Variants in KIN observed in about 807,000 individuals in gnomAD.
KIN encodes DNA/RNA-binding protein KIN17.
A neutral mutation model predicts 63.0 loss-of-function variants in KIN; 47 were observed. The ratio of observed to expected loss-of-function variants is 0.75; its 90% CI spans 0.59 to 0.95. The LOEUF (loss-of-function observed/expected upper bound fraction) is 0.95, where lower values mean the gene tolerates loss of function less well. KIN is among the 40% of genes least tolerant of loss of function. The probability of loss-of-function intolerance (pLI) is 0.00; values close to 1 mark genes in which losing one functional copy is unlikely to be tolerated. For missense variants in KIN, 408 were observed against 460.9 expected, an observed-to-expected ratio of 0.89 and a Z score of 1.05; for synonymous variants, 160 against 157.7, an observed-to-expected ratio of 1.01 and a Z score of -0.11.
Position 7,771,904 on chromosome 10 carries a change from A to T in KIN, c.669-2559T>A, listed in dbSNP as rs1835673821. Reference sequence around the variant, plus strand: ...GAGCGAAATTCCGTCTCAAAAAAAAAAAAAAAAGAAAGAAAGAAAAAGAAA... The same window carrying T: ...GAGCGAAATTCCGTCTCAAAAAAAATAAAAAAAGAAAGAAAGAAAAAGAAA... On this transcript the variant is annotated intron_variant, in intron 7 of 12. Transcript: ENST00000379562. 2.0e-5 allele frequency among the ~76,000 whole-genome samples: 3 copies of T among 151,836 alleles called. No individual in the cohort carries two copies. The East Asian group carries it at 5.8e-4, about 29-fold the overall frequency.
At chr10:7,760,693 TTA>T (rs2130988050) in intron 11 of KIN, among the ~76,000 whole-genome samples, 1 of 152,338 alleles carries the variant, frequency 6.6e-6, no homozygotes, top group Non-Finnish European at 1.5e-5. Context: ...TATTTTATTA[TTA>T]GTTATTATTC....
At chr10:7,773,720 G>A (rs554769881) in intron 7 of KIN, among the ~76,000 whole-genome samples, 41 of 151,958 alleles carry the variant, frequency 2.7e-4, no homozygotes, top group Non-Finnish European at 4.3e-4. Context: ...AAACAAACCC[G>A]AAAAACTTAG....
At chr10:7,764,534 G>A (rs963739590) in intron 9 of KIN, among the ~76,000 whole-genome samples, 3 of 152,136 alleles carry the variant, frequency 2.0e-5, no homozygotes, top group African/African-American at 7.2e-5. Context: ...TCAAAGAGAT[G>A]GTCAAGTATT....
rs146773165 is a variant in KIN, at chr10:7,752,321, G to T, written c.*3759C>A. 5.2e-4 allele frequency: 79 copies of T among 152,286 alleles called. No individual in the cohort carries two copies. The highest frequency in any genetic ancestry group is 1.8e-3 in the African/African-American group (75 of 41,546). 9.4% of individuals were successfully genotyped at this position (152,286 alleles called of 1,614,324 possible). A position where few individuals can be genotyped will look rare whatever the true frequency, so the allele number is the denominator to read the frequency against. On this transcript the variant is annotated 3_prime_UTR_variant, in exon 13 of 13. Transcript: ENST00000379562. ...CAGGTGGCAAATAAGCCCATGAAAA[G>T]ATGCTCCACATCATACTTCATCAAA... is the stretch of plus-strand genomic sequence containing the variant.
intron 7 of KIN, among the ~76,000 whole-genome samples, chr10:7,772,568 T>C (rs558161491): frequency 2.0e-5 from 3 of 152,338 alleles, no homozygotes; most frequent in African/African-American, 7.2e-5. Flanking sequence ...TTAGTTTTTC[T>C]AGGTTTTAGA....
Position 7,774,906 on chromosome 10 carries a change from T to C in KIN, c.608-15A>G. ...ATTAAACGTGACTAGAAGAAAAAAA[T>C]GTTATTCCATACATACATTTCAAGA... On this transcript the variant is annotated splice_polypyrimidine_tract_variant and intron_variant, in intron 6 of 12. Coordinates refer to ENST00000379562, the MANE Select transcript of KIN (RefSeq NM_012311.4). 1 of 1,584,116 alleles carries C rather than the reference T, an allele frequency of 6.3e-7. No homozygotes were observed. The highest frequency in any genetic ancestry group is 8.7e-7 in the Non-Finnish European group (1 of 1,153,748).
rs1395195056 is a variant in KIN, at chr10:7,763,724, T to A, written c.917A>T (p.Lys306Met). Residue 306 changes from lysine to methionine, a missense_variant and splice_region_variant, in exon 10 of 13, where the codon AAG (lysine) becomes ATG (methionine). By Grantham distance (95) the Lys-to-Met change is moderately conservative (BLOSUM62 -1). Around this residue, in one of 2 missense-constraint regions of KIN, gnomAD observed 298 missense variants for 296.0 expected, o/e 1.01. Transcript: ENST00000379562. Reference sequence around the variant, plus strand: ...CCATTCATAATTGCACGTCCTTACCTTAACAATAGCCTTTTTCTTATGATA... The same window carrying A: ...CCATTCATAATTGCACGTCCTTACCATAACAATAGCCTTTTTCTTATGATA... ...EKYHKKKAIV[K>M]EVIDKYTAVV... is the part of the protein sequence containing the mutation. 6.8e-7 allele frequency: 1 copy of A among 1,471,610 alleles called. No homozygotes were observed. The highest frequency in any genetic ancestry group is 1.4e-5 in the African/African-American group (1 of 70,974). 91.2% of individuals were successfully genotyped at this position (1,471,610 alleles called of 1,614,324 possible).
Position 7,752,353 on chromosome 10 carries a change from C to A in KIN, c.*3727G>T, listed in dbSNP as rs1835257490. 1.3e-5 allele frequency: 2 copies of A among 152,162 alleles called. No individual in the cohort carries two copies. The highest frequency in any genetic ancestry group is 4.8e-5 in the African/African-American group (2 of 41,416). The allele number at this position is 152,162 out of a possible 1,614,324, so 9.4% of individuals were successfully genotyped here. ...CACATCATACTTCATCAAAGAAATG[C>A]AAATTAAAGCAATGACAAGATCCCA... On this transcript the variant is annotated 3_prime_UTR_variant, in exon 13 of 13. Coordinates refer to ENST00000379562, the MANE Select transcript of KIN (RefSeq NM_012311.4).
chr10:7,765,935 AACTC>A (rs1484133002), intron 9 of KIN, 114 bp downstream of exon 9: 1 of 610,148 alleles, frequency 1.6e-6, no homozygotes, highest in African/African-American at 1.9e-5. Flanking sequence ...AGTTATAACT[AACTC>A]TATCTATATA....
chr10:7,762,653 A>G, intron 10 of KIN, 97 bp from the exon 11 acceptor site: 1 of 608,680 alleles, frequency 1.6e-6, no homozygotes, highest in Non-Finnish European at 2.8e-6. Flanking sequence ...TAAAATATCA[A>G]TCAAAAGAAA....
intron 7 of KIN, among the ~76,000 whole-genome samples, chr10:7,772,366 A>G (rs12264990): frequency 0.049 from 7,428 of 152,264 alleles, 608 homozygotes; most frequent in African/African-American, 0.17. Flanking sequence ...ATGAAAATGG[A>G]AAGTAAGGTT....
At chr10:7,777,904 CA>C (rs148544006) in intron 5 of KIN, among the ~76,000 whole-genome samples, 6 of 148,310 alleles carry the variant, frequency 4.0e-5, no homozygotes, top group African/African-American at 1.5e-4. Flanking sequence ...GTCCCCCCCC[CA>C]AAAAAAAAAA....
In KIN at chr10:7,752,108, AAAG is replaced by A. The variant is rs1404068603; in HGVS notation, c.*3969_*3971del. The A allele has an allele frequency of 6.6e-6, 1 of 152,210 alleles. No individual in the cohort carries two copies. Among genetic ancestry groups the A allele is most frequent in the African/African-American group, 2.4e-5 (1 of 41,462 alleles). 9.4% of individuals were successfully genotyped at this position (152,210 alleles called of 1,614,324 possible). A position where few individuals can be genotyped will look rare whatever the true frequency, so the allele number is the denominator to read the frequency against. On this transcript the variant is annotated 3_prime_UTR_variant, in exon 13 of 13. Coordinates refer to ENST00000379562, the MANE Select transcript of KIN (RefSeq NM_012311.4). Reference sequence around the variant, plus strand: ...ACGATGAAAATCTTGGGGTGTTAAAAAAGAATAGCTTAAAACAAAATGAGAAGA... The same window carrying A: ...ACGATGAAAATCTTGGGGTGTTAAAAAATAGCTTAAAACAAAATGAGAAGA...
At chr10:7,756,559 A>G (rs1835336610) in intron 12 of KIN, among the ~76,000 whole-genome samples, 1 of 152,204 alleles carries the variant, frequency 6.6e-6, no homozygotes, top group African/African-American at 2.4e-5. Flanking sequence ...TGCCCAGTGC[A>G]CACAGACATG....
chr10:7,758,079 T>C (rs1043874758), intron 12 of KIN, among the ~76,000 whole-genome samples: 1 of 51,934 alleles, frequency 1.9e-5, no homozygotes, highest in African/African-American at 5.0e-5. Context: ...ACAGATTCCC[T>C]TTTTTTTTTT....
chr10:7,785,221 G>A (rs1835975568), intron 1 of KIN, among the ~76,000 whole-genome samples: 1 of 148,072 alleles, frequency 6.8e-6, no homozygotes. Context: ...CACTGTACAC[G>A]AGCCTGGGCT....
At chr10:7,769,367 C>T in intron 7 of KIN, 22 bp from the exon 8 acceptor site, 1 of 1,604,142 alleles carries the variant, frequency 6.2e-7, no homozygotes, top group Non-Finnish European at 8.5e-7. Flanking sequence ...GAGAACCATG[C>T]TTGTTACCAA....
chr10:7,773,971 T>C (rs1222725527), intron 7 of KIN, among the ~76,000 whole-genome samples: 4 of 152,230 alleles, frequency 2.6e-5, no homozygotes, highest in South Asian at 2.1e-4. Flanking sequence ...CCACATGCTA[T>C]GCCAGGTTTT....
chr10:7,764,141 C>G (rs528734419), intron 9 of KIN, among the ~76,000 whole-genome samples: 3 of 152,270 alleles, frequency 2.0e-5, no homozygotes, highest in African/African-American at 7.2e-5. Context: ...CTTTCCATTG[C>G]AGGAAGTGAA....
Sources: allele counts gnomAD v4.1 joint callset (sites outside exome capture counted in the v4.1 genomes callset), GRCh38; gene constraint gnomAD v4.1.1; regional missense constraint gnomAD v4.1.1; transcripts MANE v1.5; gene names NCBI Gene and HGNC (gene_info 2026-07-23, HGNC 2026-07-21).